The following ZNF804B variants were observed in gnomAD, a reference collection of about 807,000 sequenced individuals.
ZNF804B encodes the protein zinc finger protein 804B, also known as zinc finger 804B.
In ZNF804B, 80 loss-of-function variants were observed where a neutral mutation model predicts 101.4. That is an observed-to-expected ratio of 0.79 (90% confidence interval 0.66 to 0.95). The LOEUF (loss-of-function observed/expected upper bound fraction) is 0.95. ZNF804B is among the 40% of genes least tolerant of loss of function. The pLI is 0.00. For missense variants in ZNF804B, 1,673 were observed against 1,561.9 expected, an observed-to-expected ratio of 1.07 and a Z score of -1.20; for synonymous variants, 622 against 558.8, an observed-to-expected ratio of 1.11 and a Z score of -1.59.
chr7:89,122,772 A>G (rs1400970218), intron 1 of ZNF804B, among the ~76,000 whole-genome samples: 2 of 152,164 alleles, frequency 1.3e-5, no homozygotes, highest in African/African-American at 4.8e-5. Flanking sequence ...TCAATTCACC[A>G]TGAATCGAAG....
intron 1 of ZNF804B, among the ~76,000 whole-genome samples, chr7:89,040,115 T>G (rs965195968): frequency 6.6e-6 from 1 of 152,040 alleles, no homozygotes; most frequent in Non-Finnish European, 1.5e-5. Flanking sequence ...CTATAGTGCA[T>G]GCATTGATGC....
Position 89,322,726 on chromosome 7 carries a change from G to T in ZNF804B, c.250-4618G>T, listed in dbSNP as rs145684537. ...ACATTACCAAAACTCACTCAGAAAA[G>T]AATAAAAAATCTATTTTGTCTTATA... On this transcript the variant is annotated intron_variant, in intron 2 of 3. Coordinates refer to ENST00000333190, the MANE Select transcript of ZNF804B (RefSeq NM_181646.5). Among the ~76,000 whole-genome samples, 901 of 151,976 alleles carry T rather than the reference G, an allele frequency of 5.9e-3. 10 individuals are homozygous for T. The highest frequency in any genetic ancestry group is 0.02 in the African/African-American group (842 of 41,506).
intron 1 of ZNF804B, among the ~76,000 whole-genome samples, chr7:88,775,850 G>T (rs1430246988): frequency 6.6e-6 from 1 of 152,168 alleles, no homozygotes; most frequent in Non-Finnish European, 1.5e-5. Context: ...AAATAAAATT[G>T]TGATGTGTGT....
intron 1 of ZNF804B, among the ~76,000 whole-genome samples, chr7:89,051,144 C>G (rs1027395603): frequency 6.6e-6 from 1 of 151,886 alleles, no homozygotes; most frequent in Non-Finnish European, 1.5e-5. Flanking sequence ...CATTTTATCT[C>G]TTCTACAAGA....
At chr7:88,895,189 T>G (rs557161670) in intron 1 of ZNF804B, among the ~76,000 whole-genome samples, 1 of 152,364 alleles carries the variant, frequency 6.6e-6, no homozygotes, top group African/African-American at 2.4e-5. Context: ...TACTAGGTTC[T>G]AGTTGACAAT....
At chr7:89,152,559 C>T (rs761908708) in intron 1 of ZNF804B, among the ~76,000 whole-genome samples, 4 of 151,874 alleles carry the variant, frequency 2.6e-5, no homozygotes, top group Non-Finnish European at 5.9e-5. Context: ...AATGTTTGTA[C>T]ATTATTATGA....
At chr7:89,262,976 T>A (rs1562930810) in intron 2 of ZNF804B, among the ~76,000 whole-genome samples, 1 of 151,790 alleles carries the variant, frequency 6.6e-6, no homozygotes, top group Non-Finnish European at 1.5e-5. Flanking sequence ...ACTTTGTAGC[T>A]TAGTTGTCCT....
chr7:89,102,971 A>G (rs1409138560), intron 1 of ZNF804B, among the ~76,000 whole-genome samples: 2 of 144,598 alleles, frequency 1.4e-5, no homozygotes, highest in African/African-American at 2.5e-5. Flanking sequence ...TTTTGTTGAC[A>G]TTATCAAAGA....
chr7:89,086,244 A>G (rs925972584), intron 1 of ZNF804B, among the ~76,000 whole-genome samples: 5 of 152,040 alleles, frequency 3.3e-5, no homozygotes, highest in African/African-American at 1.2e-4. Context: ...GGATCTGGGG[A>G]TAACAGAAAA....
intron 2 of ZNF804B, among the ~76,000 whole-genome samples, chr7:89,246,336 A>G (rs1335928864): frequency 6.6e-6 from 1 of 152,164 alleles, no homozygotes; most frequent in African/African-American, 2.4e-5. Flanking sequence ...CTACCCTGAG[A>G]TCATGGTGCA....
At chr7:88,886,949 A>G (rs1462553480) in intron 1 of ZNF804B, among the ~76,000 whole-genome samples, 4 of 151,864 alleles carry the variant, frequency 2.6e-5, no homozygotes, top group African/African-American at 9.7e-5. Context: ...CTAATAGAAA[A>G]TGATATACAG....
intron 1 of ZNF804B, among the ~76,000 whole-genome samples, chr7:88,818,619 G>A (rs1297584705): frequency 6.6e-6 from 1 of 152,298 alleles, no homozygotes; most frequent in African/African-American, 2.4e-5. Flanking sequence ...TCCAACAGGA[G>A]ATTTGATTAT....
At chr7:88,875,887 T>A (rs1007345811) in intron 1 of ZNF804B, among the ~76,000 whole-genome samples, 7 of 152,188 alleles carry the variant, frequency 4.6e-5, no homozygotes, top group African/African-American at 1.7e-4. Context: ...ATATCCTTGA[T>A]GAACATTGAT....
rs562407946 is a variant in ZNF804B, at chr7:89,096,518, A to G, written c.109-121637A>G. 2.6e-5 allele frequency among the ~76,000 whole-genome samples: 4 copies of G among 152,284 alleles called. No individual in the cohort carries two copies. In the East Asian group the frequency reaches 7.7e-4, roughly 29 times the overall value. On this transcript the variant is annotated intron_variant, in intron 1 of 3. Coordinates refer to ENST00000333190, the MANE Select transcript of ZNF804B (RefSeq NM_181646.5). ...TTTTAGTGGTTGCTTTCGACTCAAAAGTGATCTGTTTATTGTAGTGTGAGA... is the reference window on the plus strand; with the variant it reads ...TTTTAGTGGTTGCTTTCGACTCAAAGGTGATCTGTTTATTGTAGTGTGAGA...
At chr7:88,879,169 A>G (rs1004279259) in intron 1 of ZNF804B, among the ~76,000 whole-genome samples, 4 of 152,190 alleles carry the variant, frequency 2.6e-5, no homozygotes, top group Non-Finnish European at 2.9e-5. Context: ...TCAATTACTG[A>G]TATAAACATC....
At chr7:89,220,942 C>G (rs191630087) in intron 2 of ZNF804B, among the ~76,000 whole-genome samples, 2 of 152,034 alleles carry the variant, frequency 1.3e-5, no homozygotes, top group Non-Finnish European at 2.9e-5. Flanking sequence ...TTCCTTTTCA[C>G]TGGTTTTTAT....
intron 1 of ZNF804B, among the ~76,000 whole-genome samples, chr7:89,157,640 C>A (rs902142545): frequency 2.0e-5 from 3 of 152,056 alleles, no homozygotes; most frequent in Admixed American, 6.6e-5. Flanking sequence ...AAAAGCCAGT[C>A]CAAAAGTGAA....
At chr7:88,931,632 A>T (rs1407735136) in intron 1 of ZNF804B, among the ~76,000 whole-genome samples, 1 of 151,798 alleles carries the variant, frequency 6.6e-6, no homozygotes, top group Non-Finnish European at 1.5e-5. Flanking sequence ...TCAGTTTTAT[A>T]TTTACTTGTG....
chr7:88,953,164 G>A (rs1793250726), intron 1 of ZNF804B, among the ~76,000 whole-genome samples: 1 of 151,684 alleles, frequency 6.6e-6, no homozygotes, highest in Non-Finnish European at 1.5e-5. Flanking sequence ...AAGGCCCTAT[G>A]TGATTCGATT....
Sources: allele counts gnomAD v4.1 joint callset (sites outside exome capture counted in the v4.1 genomes callset), GRCh38; gene constraint gnomAD v4.1.1; transcripts MANE v1.5; gene names NCBI Gene and HGNC (gene_info 2026-07-23, HGNC 2026-07-21).